Variants in GIT1 observed in about 807,000 individuals in gnomAD.
The protein encoded by GIT1 is GIT ArfGAP 1.
In GIT1, 14 loss-of-function variants were observed where a neutral mutation model predicts 91.7. The ratio of observed to expected loss-of-function variants is 0.15; its 90% CI spans 0.10 to 0.24. GIT1 has a LOEUF of 0.24. Among genes scored for constraint, GIT1 ranks in the 10% least tolerant of loss-of-function variants. GIT1 has a pLI of 1.00. For synonymous variants in GIT1, 414 were observed against 418.2 expected (o/e 0.99, Z 0.12); for missense variants, 717 against 1,024.9 (o/e 0.70, Z 4.10).
chr17:29,575,867 G>A lies in GIT1; in HGVS notation c.1697C>T (p.Pro566Leu). The change falls in exon 16 of 20, where the codon CCC (proline) becomes CTC (leucine). Residue 566 changes from proline (P) to leucine (L), a missense_variant. Transcript: ENST00000225394. This position sits in a 1 kb window ranked among gnomAD's most constrained non-coding sequence, Gnocchi z 5.5. ...IRKGVSASAV[P>L]FTPSSPLLSC... The stretch of plus-strand genomic sequence containing the variant: ...CAGCAGCGGGGAGGAGGGAGTGAAG[G>A]GCACAGCTGAGGCAGACACCCCTTT... 1 of 1,611,550 alleles carries A rather than the reference G, an allele frequency of 6.2e-7. No homozygotes were observed. The highest frequency in any genetic ancestry group is 8.5e-7 in the Non-Finnish European group (1 of 1,178,916).
In GIT1 at chr17:29,582,016, T is replaced by C. The variant is rs765094596; in HGVS notation, c.534A>G (p.Gly178=). Residue 178 remains glycine (G), a synonymous_variant, in exon 5 of 20, where the codon GGA becomes GGG. Transcript: ENST00000225394. Reference sequence around the variant, plus strand: ...CAAGCAGCTCGGCCTGCAGTGTCTGTCCTGCCTTGGCAGCCACGTGCAGAG... The same window carrying C: ...CAAGCAGCTCGGCCTGCAGTGTCTGCCCTGCCTTGGCAGCCACGTGCAGAG... ...TTPLHVAAKA[G]QTLQAELLVV... The C allele has an allele frequency of 6.2e-7, 1 of 1,612,640 alleles. No individual in the cohort carries two copies.
At position 29,581,739 on chromosome 17, in the gene GIT1, C is replaced by G. The variant is rs1211394191; in HGVS notation, c.718+3G>C. On this transcript the variant is annotated splice_donor_region_variant and intron_variant, in intron 6 of 19. Coordinates refer to ENST00000225394, the MANE Select transcript of GIT1 (RefSeq NM_014030.4). The surrounding 1 kb of genome is among the most constrained non-coding windows in gnomAD (Gnocchi z 4.8). ...AGCCAGGCGCCCCCCAAGCTCTGCT[C>G]ACCCGGCTTGCGTCCACAGAGGTAG... is the stretch of plus-strand genomic sequence containing the variant. 6.2e-7 allele frequency: 1 copy of G among 1,607,930 alleles called. No individual in the cohort carries two copies.
chr17:29,577,732 A>G lies in GIT1; in HGVS notation c.894T>C (p.Ala298=). 4.4e-6 allele frequency: 7 copies of G among 1,607,482 alleles called. No homozygotes were observed. Among genetic ancestry groups the G allele is most frequent in the Non-Finnish European group, 6.0e-6 (7 of 1,174,146 alleles). The change falls in exon 10 of 20, where the codon GCT becomes GCC. Residue 298 remains alanine (A), a synonymous_variant. Coordinates refer to ENST00000225394, the MANE Select transcript of GIT1 (RefSeq NM_014030.4). ...TCACCAGAGTGCTGTGGTTTTGGGT[A>G]GCCAGCCACACTGTAGGGGACGGAC... ...DRRENDAVWL[A]TQNHSTLVTE...
At position 29,581,459 on chromosome 17, in the gene GIT1, A is replaced by G. The variant is rs2033392497; in HGVS notation, c.719-79T>C. 8.9e-7 allele frequency: 1 copy of G among 1,129,898 alleles called. No individual in the cohort carries two copies. The highest frequency in any genetic ancestry group is 1.5e-5 in the African/African-American group (1 of 65,726). The allele number at this position is 1,129,898 out of a possible 1,614,324, so 70.0% of individuals were successfully genotyped here. A position where few individuals can be genotyped will look rare whatever the true frequency, so the allele number is the denominator to read the frequency against. ...GCTGGGAGCCCACCTCACTGCCATG[A>G]GCAGGGCTGGCACCCAGAAGTGTCA... On this transcript the variant is annotated intron_variant, in intron 6 of 19. Transcript: ENST00000225394. This position sits in a 1 kb window ranked among gnomAD's most constrained non-coding sequence, Gnocchi z 4.8.
Position 29,575,482 on chromosome 17 carries a change from G to A in GIT1, c.1827-12C>T, listed in dbSNP as rs1172972190. On this transcript the variant is annotated splice_polypyrimidine_tract_variant and intron_variant, in intron 17 of 19. Coordinates refer to ENST00000225394, the MANE Select transcript of GIT1 (RefSeq NM_014030.4). This position sits in a 1 kb window ranked among gnomAD's most constrained non-coding sequence, Gnocchi z 5.5. ...TCTTCCCTTCCAGCCTGAGGCCCAG[G>A]TCCAGAAAACAGAGACAAAGATACA... 1.3e-6 allele frequency: 2 copies of A among 1,595,480 alleles called. No individual in the cohort carries two copies. Among genetic ancestry groups the A allele is most frequent in the South Asian group, 1.1e-5 (1 of 89,122 alleles).
intron 7 of GIT1, chr17:29,579,366 T>TAA: frequency 1.0e-5 from 3 of 296,178 alleles, no homozygotes; most frequent in South Asian, 9.6e-5. Context: ...GGGTGATTTT[T>TAA]TGGATACACC....
chr17:29,577,873 T>G, intron 9 of GIT1, 131 bp from the exon 10 acceptor site: 1 of 656,286 alleles, frequency 1.5e-6, no homozygotes. Flanking sequence ...ACAGGGGTGG[T>G]CTTTGGGCAC....
rs754857303 is a variant in GIT1, at chr17:29,575,693, G to T, written c.1763C>A (p.Ser588Tyr). Reference sequence around the variant, plus strand: ...ACTGTCGGCTCCACTGCCGTGGCGGGAAAGCTTGCTCTGGAGGGCGGAGGG... The same window carrying T: ...ACTGTCGGCTCCACTGCCGTGGCGGTAAAGCTTGCTCTGGAGGGCGGAGGG... ...QEGSRHTSKL[S>Y]RHGSGADSDY... Residue 588 changes from serine to tyrosine, a missense_variant, in exon 17 of 20, where the codon TCC becomes TAC. Transcript: ENST00000225394. The surrounding 1 kb of genome is among the most constrained non-coding windows in gnomAD (Gnocchi z 5.5). The T allele has an allele frequency of 6.2e-7, 1 of 1,612,372 alleles. No individual in the cohort carries two copies. Among genetic ancestry groups the T allele is most frequent in the Non-Finnish European group, 8.5e-7 (1 of 1,179,986 alleles).
intron 1 of GIT1, among the ~76,000 whole-genome samples, chr17:29,587,272 T>C (rs1776964839): frequency 6.6e-6 from 1 of 152,042 alleles, no homozygotes; most frequent in African/African-American, 2.4e-5. Context: ...AGGTGTGGGA[T>C]AGTCCCAAGC....
intron 1 of GIT1, 100 bp from the exon 2 acceptor site, chr17:29,583,716 T>C (rs2033483782): frequency 9.3e-6 from 12 of 1,293,248 alleles, no homozygotes; most frequent in Non-Finnish European, 1.3e-5. Context: ...CTCCACACAT[T>C]CACTCACTCA....
intron 2 of GIT1, 139 bp downstream of exon 2, chr17:29,583,344 A>G (rs2033467864): frequency 2.5e-6 from 2 of 813,600 alleles, no homozygotes; most frequent in East Asian, 2.6e-5. Context: ...GGTCAGGATT[A>G]GCCTCTGCCC....
intron 4 of GIT1, 139 bp from the exon 5 acceptor site, chr17:29,582,283 G>A (rs990129270): frequency 1.2e-5 from 8 of 642,390 alleles, no homozygotes; most frequent in Admixed American, 2.5e-5. Flanking sequence ...CGGGAGGACA[G>A]AGGCTTCCCG....
chr17:29,582,613 A>C, intron 4 of GIT1, 85 bp downstream of exon 4: 1 of 924,968 alleles, frequency 1.1e-6, no homozygotes, highest in East Asian at 2.5e-5. Flanking sequence ...CCCAGGGCTC[A>C]GTGGGGACAA....
chr17:29,575,157 G>A lies in GIT1; in HGVS notation c.2010-15C>T, dbSNP rs369310943. On this transcript the variant is annotated splice_polypyrimidine_tract_variant and intron_variant, in intron 18 of 19. Coordinates refer to ENST00000225394, the MANE Select transcript of GIT1 (RefSeq NM_014030.4). This position sits in a 1 kb window ranked among gnomAD's most constrained non-coding sequence, Gnocchi z 5.5. ...AGGGCACGAAGCTGCGGGGAGAAGG[G>A]AGGCTATAAAGCAGGGGGCTCTCAA... 3.1e-6 allele frequency: 5 copies of A among 1,590,640 alleles called. No homozygotes were observed. Among genetic ancestry groups the A allele is most frequent in the Non-Finnish European group, 4.3e-6 (5 of 1,165,198 alleles).
chr17:29,581,756 C>T lies in GIT1; in HGVS notation c.704G>A (p.Cys235Tyr). ...GCTCTGCTCACCCGGCTTGCGTCCA[C>T]AGAGGTAGAAGGCCAGCCGGTCAGT... ...ELTDRLAFYL[C>Y]GRKPDHKNGH... Residue 235 changes from cysteine (C) to tyrosine (Y), a missense_variant, in exon 6 of 20, where the codon TGT becomes TAT. Cys to Tyr is a radical substitution (Grantham distance 194, BLOSUM62 -2). Coordinates refer to ENST00000225394, the MANE Select transcript of GIT1 (RefSeq NM_014030.4). This position sits in a 1 kb window ranked among gnomAD's most constrained non-coding sequence, Gnocchi z 4.8. The T allele has an allele frequency of 6.2e-7, 1 of 1,610,876 alleles. No individual in the cohort carries two copies. The highest frequency in any genetic ancestry group is 8.5e-7 in the Non-Finnish European group (1 of 1,179,764).
In GIT1 at chr17:29,576,755, G is replaced by A. The variant is rs2033219648; in HGVS notation, c.1228-81C>T. 7.6e-6 allele frequency: 12 copies of A among 1,589,274 alleles called. No homozygotes were observed. In the South Asian group the frequency reaches 1.1e-4, roughly 15 times the overall value. ...CAGGGGGCAGTTATTGAGGCTAGGA[G>A]CAGCCCACCTGTCCCTCAGGCCCCT... On this transcript the variant is annotated intron_variant, in intron 12 of 19. Coordinates refer to ENST00000225394, the MANE Select transcript of GIT1 (RefSeq NM_014030.4).
intron 1 of GIT1, among the ~76,000 whole-genome samples, chr17:29,584,415 T>TCC (rs1031747546): frequency 6.6e-6 from 1 of 152,234 alleles, no homozygotes; most frequent in African/African-American, 2.4e-5. Flanking sequence ...TAGCCTGCTC[T>TCC]CCACTCTTTT....
At chr17:29,577,871 G>A in intron 9 of GIT1, 129 bp from the exon 10 acceptor site, 1 of 659,902 alleles carries the variant, frequency 1.5e-6, no homozygotes, top group Non-Finnish European at 2.7e-6. Context: ...GAACAGGGGT[G>A]GTCTTTGGGC....
At position 29,589,208 on chromosome 17, in the gene GIT1, G is replaced by A. The variant is rs1164934462; in HGVS notation, c.52+119C>T. 1 of 296,770 alleles carries A rather than the reference G, an allele frequency of 3.4e-6. No individual in the cohort carries two copies. The highest frequency in any genetic ancestry group is 2.3e-5 in the African/African-American group (1 of 44,110). The allele number at this position is 296,770 out of a possible 1,614,324, so 18.4% of individuals were successfully genotyped here. The stretch of plus-strand genomic sequence containing the variant: ...GGCCGAGGCGGGGGCCCAGCCTGGA[G>A]GCCGCAGCCCCCCGCCCCGCCCAGC... On this transcript the variant is annotated intron_variant, in intron 1 of 19. Coordinates refer to ENST00000225394, the MANE Select transcript of GIT1 (RefSeq NM_014030.4). The surrounding 1 kb of genome is among the most constrained non-coding windows in gnomAD (Gnocchi z 5.2).
Sources: gnomAD v4.1 joint callset for allele counts (sites outside exome capture counted in the v4.1 genomes callset) on GRCh38, gnomAD v4.1.1 for gene constraint, Gnocchi (gnomAD v3.1) non-coding constraint, MANE v1.5 for transcripts, NCBI Gene and HGNC (gene_info 2026-07-23, HGNC 2026-07-21) for gene names.